ACAD10: variants seen among roughly 807,000 people sequenced by gnomAD.
ACAD10 encodes the protein ACAD-10.
In ACAD10, 112 loss-of-function variants were observed where a neutral mutation model predicts 116.8. The observed-to-expected ratio is 0.96, with a 90% CI of 0.82 to 1.12. The LOEUF is 1.12. Among genes scored for constraint, ACAD10 ranks in the 50% most tolerant of loss-of-function variants. The probability of loss-of-function intolerance (pLI) is 0.00; values close to 1 mark genes in which losing one functional copy is unlikely to be tolerated. For missense variants in ACAD10, 1,259 were observed against 1,350.2 expected (o/e 0.93, Z 1.06); for synonymous variants, 486 against 510.6 (o/e 0.95, Z 0.65).
intron 10 of ACAD10, 125 bp downstream of exon 10, chr12:111,730,081 G>T: frequency 7.3e-7 from 1 of 1,362,894 alleles, no homozygotes; most frequent in Non-Finnish European, 9.8e-7. Context: ...CTGTCTGTGT[G>T]TGGCCTTTTC....
At chr12:111,743,370 T>G (rs57454118) in intron 12 of ACAD10, among the ~76,000 whole-genome samples, 26,661 of 134,318 alleles carry the variant, frequency 0.2, 2,382 homozygotes, top group Middle Eastern at 0.29. Context: ...AAATATTCTG[T>G]TTTTTTTTTT....
chr12:111,726,122 C>T (rs976033643), intron 8 of ACAD10, among the ~76,000 whole-genome samples: 10 of 151,972 alleles, frequency 6.6e-5, no homozygotes, highest in African/African-American at 1.9e-4. Flanking sequence ...GGCATGGTGG[C>T]GCTCACCTGG....
intron 11 of ACAD10, among the ~76,000 whole-genome samples, chr12:111,734,949 C>T (rs546651191): frequency 1.6e-4 from 25 of 151,962 alleles, no homozygotes; most frequent in East Asian, 1.4e-3. Context: ...GACGGCCGGG[C>T]GCGGTGGCCC....
chr12:111,742,405 C>T (rs1889770951), intron 12 of ACAD10, among the ~76,000 whole-genome samples: 1 of 152,180 alleles, frequency 6.6e-6, no homozygotes, highest in African/African-American at 2.4e-5. Flanking sequence ...GACTGACTTC[C>T]CTGGGTTAGG....
chr12:111,700,723 T>TTTCCTTCCTTCCTTCC (rs1174883043), intron 2 of ACAD10, among the ~76,000 whole-genome samples: 1 of 150,490 alleles, frequency 6.6e-6, no homozygotes, highest in African/African-American at 2.5e-5. Context: ...GTCCTTTTAC[T>TTTCCTTCCTTCCTTCC]TTCCTTCCTT....
At chr12:111,723,332 A>C (rs1297402418) in intron 8 of ACAD10, among the ~76,000 whole-genome samples, 5 of 76,588 alleles carry the variant, frequency 6.5e-5, no homozygotes, top group African/African-American at 5.2e-5. Context: ...TGACCCCCCC[A>C]CCTCCCTCCC....
chr12:111,709,780 T>G, intron 5 of ACAD10, 96 bp downstream of exon 5: 1 of 1,312,038 alleles, frequency 7.6e-7, no homozygotes, highest in Non-Finnish European at 1.0e-6. Context: ...TAGCTTTCCT[T>G]AGGGTTTCCC....
chr12:111,736,803 C>A (rs1593046345), intron 11 of ACAD10, 28 bp from the exon 12 acceptor site: 4 of 1,601,668 alleles, frequency 2.5e-6, no homozygotes, highest in Non-Finnish European at 3.4e-6. Context: ...TCAGTGACTA[C>A]CCATGAATGG....
At chr12:111,695,062 C>G (rs1048968591) in intron 2 of ACAD10, among the ~76,000 whole-genome samples, 1 of 152,148 alleles carries the variant, frequency 6.6e-6, no homozygotes, top group Non-Finnish European at 1.5e-5. Flanking sequence ...AAGCATAGAT[C>G]TTGTTCCTTT....
intron 19 of ACAD10, among the ~76,000 whole-genome samples, chr12:111,754,952 G>T (rs1448498381): frequency 6.6e-6 from 1 of 152,214 alleles, no homozygotes; most frequent in East Asian, 1.9e-4. Flanking sequence ...CCTGGGTGCT[G>T]TCAAGCCGTA....
At chr12:111,732,988 C>T (rs2135977952) in intron 10 of ACAD10, among the ~76,000 whole-genome samples, 1 of 152,318 alleles carries the variant, frequency 6.6e-6, no homozygotes, top group South Asian at 2.1e-4. Context: ...AGCATGCTGG[C>T]CCTGGGCAGA....
chr12:111,751,202 A>G (rs1890063491), intron 18 of ACAD10, among the ~76,000 whole-genome samples: 1 of 152,244 alleles, frequency 6.6e-6, no homozygotes, highest in African/African-American at 2.4e-5. Context: ...TATAAGGCTA[A>G]CAATGACTGT....
chr12:111,749,460 G>C, intron 18 of ACAD10, 115 bp downstream of exon 18: 1 of 1,345,706 alleles, frequency 7.4e-7, no homozygotes, highest in Non-Finnish European at 9.9e-7. Flanking sequence ...GAAGCAAGGT[G>C]ATGTCCTTGC....
intron 2 of ACAD10, among the ~76,000 whole-genome samples, chr12:111,698,836 T>C (rs887033353): frequency 6.6e-6 from 1 of 152,162 alleles, no homozygotes; most frequent in Admixed American, 6.5e-5. Context: ...ATGCCTTGTC[T>C]TTTGATTTTA....
intron 18 of ACAD10, among the ~76,000 whole-genome samples, chr12:111,751,643 A>T (rs1169385320): frequency 6.6e-6 from 1 of 152,008 alleles, no homozygotes; most frequent in Non-Finnish European, 1.5e-5. Flanking sequence ...AGGCAGGAGG[A>T]TCACTTGAAT....
intron 18 of ACAD10, among the ~76,000 whole-genome samples, chr12:111,750,385 G>A (rs1890042367): frequency 6.6e-6 from 1 of 152,022 alleles, no homozygotes; most frequent in Non-Finnish European, 1.5e-5. Flanking sequence ...CTCCCAATGT[G>A]CTGGGATTAC....
intron 7 of ACAD10, among the ~76,000 whole-genome samples, chr12:111,721,090 G>C (rs1425159539): frequency 6.6e-6 from 1 of 152,008 alleles, no homozygotes; most frequent in Non-Finnish European, 1.5e-5. Flanking sequence ...GCCAACTTCT[G>C]TCTTTTAATT....
chr12:111,718,444 T>TTGATAA (rs1888914142), intron 7 of ACAD10, among the ~76,000 whole-genome samples: 1 of 152,124 alleles, frequency 6.6e-6, no homozygotes, highest in African/African-American at 2.4e-5. Flanking sequence ...ATTACATTGA[T>TTGATAA]CTGGGAACCA....
chr12:111,727,819 G>T, intron 8 of ACAD10, 143 bp from the exon 9 acceptor site: 1 of 773,030 alleles, frequency 1.3e-6, no homozygotes, highest in Non-Finnish European at 2.1e-6. Flanking sequence ...AAAGGAAAAA[G>T]GAAGTATCCA....
Sources: gnomAD v4.1 joint callset for allele counts (sites outside exome capture counted in the v4.1 genomes callset) on GRCh38, gnomAD v4.1.1 for gene constraint, MANE v1.5 for transcripts, NCBI Gene and HGNC (gene_info 2026-07-23, HGNC 2026-07-21) for gene names.